FAM20C: variants seen among roughly 807,000 people sequenced by gnomAD.
The protein encoded by FAM20C is FAM20C golgi associated secretory pathway kinase.
Under a neutral mutation model 51.5 loss-of-function variants are expected in FAM20C, and 40 were observed. That is an observed-to-expected ratio of 0.78 (90% CI 0.60 to 1.01). The LOEUF is 1.01. Ranked by LOEUF, FAM20C falls within the 50% of genes least tolerant of loss-of-function variation. The pLI is 0.00. For missense variants in FAM20C, 861 were observed against 844.7 expected (o/e 1.02, Z -0.24); for synonymous variants, 406 against 380.6 (o/e 1.07, Z -0.78).
chr7:194,885 C>T (rs1785773969), intron 1 of FAM20C, among the ~76,000 whole-genome samples: 1 of 152,152 alleles, frequency 6.6e-6, no homozygotes, highest in Non-Finnish European at 1.5e-5. Flanking sequence ...GCCCAGCAGG[C>T]AGACGGAGGG....
intron 3 of FAM20C, among the ~76,000 whole-genome samples, chr7:214,309 G>A (rs1786863394): frequency 6.6e-6 from 1 of 151,742 alleles, no homozygotes; most frequent in Non-Finnish European, 1.5e-5. Context: ...TGGGCAATAA[G>A]AGTGAAACTC....
chr7:237,841 A>T (rs1400278630), intron 3 of FAM20C, among the ~76,000 whole-genome samples: 15 of 234 alleles, frequency 0.064, no homozygotes, highest in Admixed American at 0.083. Context: ...AGTGATAGTG[A>T]TGATGNNNNN....
intron 5 of FAM20C, among the ~76,000 whole-genome samples, chr7:255,564 ACT>A (rs1788558479): frequency 1.3e-5 from 2 of 152,076 alleles, no homozygotes; most frequent in Admixed American, 6.5e-5. Flanking sequence ...TTTTTAAAAG[ACT>A]AAATGTTGGC....
chr7:228,995 G>A (rs62430330), intron 3 of FAM20C: 22,105 of 369,624 alleles, frequency 0.06, 763 homozygotes, highest in Non-Finnish European at 0.081. Flanking sequence ...ACCAGGACCC[G>A]TAGTCGGGCC....
chr7:255,833 G>A lies in FAM20C; in HGVS notation c.1073-16G>A. The A allele has an allele frequency of 6.5e-7, 1 of 1,536,094 alleles. No homozygotes were observed. Among genetic ancestry groups the A allele is most frequent in the Middle Eastern group, 1.7e-4 (1 of 5,990 alleles). On this transcript the variant is annotated splice_polypyrimidine_tract_variant and intron_variant, in intron 5 of 9. Coordinates refer to ENST00000313766, the MANE Select transcript of FAM20C (RefSeq NM_020223.4). ...CCCTGTGCGGCCCTGGTAACCCGCA[G>A]CCTGTCCCTCCCCAGCCAACAACAT...
At chr7:228,739 C>T (rs750117895) in intron 3 of FAM20C, 2 of 456,298 alleles carry the variant, frequency 4.4e-6, no homozygotes, top group South Asian at 3.1e-5. Flanking sequence ...ATCCCACATC[C>T]TCCACCAAGA....
At chr7:218,121 C>T (rs1262212929) in intron 3 of FAM20C, among the ~76,000 whole-genome samples, 1 of 152,186 alleles carries the variant, frequency 6.6e-6, no homozygotes, top group African/African-American at 2.4e-5. Context: ...TCAGCCTCCT[C>T]GTCTGTGAAA....
Position 246,386 on chromosome 7 carries a change from C to T in FAM20C, c.864-29C>T, listed in dbSNP as rs774349876. 471 of 1,525,418 alleles carry T rather than the reference C, an allele frequency of 3.1e-4. 2 individuals are homozygous for T. The highest frequency in any genetic ancestry group is 1.9e-4 in the Non-Finnish European group (217 of 1,136,660). The allele number at this position is 1,525,418 out of a possible 1,614,324, so 94.5% of individuals were successfully genotyped here. ...CCCTGGAGGCTTTCTCAGTGACAAA[C>T]CGTTTCTGTTTCTGTCTTGTTTTCT... On this transcript the variant is annotated intron_variant, in intron 3 of 9. Transcript: ENST00000313766.
intron 4 of FAM20C, among the ~76,000 whole-genome samples, chr7:246,906 G>A (rs948875935): frequency 1.3e-4 from 20 of 152,186 alleles, no homozygotes; most frequent in African/African-American, 4.1e-4. Flanking sequence ...GGGAGAGGGC[G>A]CCTGCCCTCA....
At position 259,868 on chromosome 7, in the gene FAM20C, G is replaced by C; in HGVS notation, c.1643G>C (p.Arg548Pro). ...LYQPHLEALD[R>P]RLRVVLKAVR... ...CAGCCGCACCTGGAGGCCCTGGACCGGCGGCTCCGCGTCGTGCTAAAGGCC... is the reference window on the plus strand; with the variant it reads ...CAGCCGCACCTGGAGGCCCTGGACCCGCGGCTCCGCGTCGTGCTAAAGGCC... The change falls in exon 10 of 10, where the codon CGG becomes CCG. Residue 548 changes from arginine to proline, a missense_variant. Physicochemically the swap from Arg to Pro is moderately radical, Grantham distance 103. This residue lies in a region of FAM20C where 269 missense variants were observed against 283.8 expected (regional missense o/e 0.95). Coordinates refer to ENST00000313766, the MANE Select transcript of FAM20C (RefSeq NM_020223.4). The C allele has an allele frequency of 6.5e-7, 1 of 1,536,266 alleles. No homozygotes were observed. The highest frequency in any genetic ancestry group is 2.4e-5 in the East Asian group (1 of 40,910).
intron 3 of FAM20C, among the ~76,000 whole-genome samples, chr7:214,092 G>A (rs566208380): frequency 1.6e-4 from 24 of 152,186 alleles, no homozygotes; most frequent in African/African-American, 2.7e-4. Flanking sequence ...TTGGGAGGCC[G>A]AGGCAGGTGG....
rs545198882 is a variant in FAM20C at position 251,975 on chromosome 7, G to A, written c.1072+3545G>A. Reference sequence around the variant, plus strand: ...ACCCCACTGCTGCCACTCCAGCCGCGCTGCCCTGTCAGTCCGATTTCTTCC... The same window carrying A: ...ACCCCACTGCTGCCACTCCAGCCGCACTGCCCTGTCAGTCCGATTTCTTCC... On this transcript the variant is annotated intron_variant, in intron 5 of 9. Coordinates refer to ENST00000313766, the MANE Select transcript of FAM20C (RefSeq NM_020223.4). 3.7e-4 allele frequency among the ~76,000 whole-genome samples: 57 copies of A among 152,300 alleles called. 1 individual carries two copies. In the Middle Eastern group the frequency reaches 0.014, roughly 36 times the overall value.
chr7:207,095 T>G (rs543982836), intron 2 of FAM20C, among the ~76,000 whole-genome samples: 2 of 22,366 alleles, frequency 8.9e-5, no homozygotes, highest in African/African-American at 1.8e-4. Context: ...CGTCGGTCAC[T>G]GTCCCCTCGG....
In FAM20C at chr7:192,672, C is replaced by A. The variant is rs1403011451; in HGVS notation, c.-528C>A. On this transcript the variant is annotated 5_prime_UTR_variant, in exon 1 of 10. Coordinates refer to ENST00000313766, the MANE Select transcript of FAM20C (RefSeq NM_020223.4). ...GCCCACCCCTTCCGCCCTTCGCCCCCCCCTTCCCCCCAGCCCCGGTCTCCC... is the reference window on the plus strand; with the variant it reads ...GCCCACCCCTTCCGCCCTTCGCCCCACCCTTCCCCCCAGCCCCGGTCTCCC... Among the ~76,000 whole-genome samples the A allele has an allele frequency of 1.3e-5, 2 of 149,764 alleles. No homozygotes were observed. The highest frequency in any genetic ancestry group is 3.0e-5 in the Non-Finnish European group (2 of 67,006).
Position 193,087 on chromosome 7 carries a change from C to T in FAM20C, c.-113C>T, listed in dbSNP as rs1785640455. 2.1e-6 allele frequency: 2 copies of T among 953,842 alleles called. No individual in the cohort carries two copies. The highest frequency in any genetic ancestry group is 5.6e-5 in the South Asian group (2 of 35,424). The allele number at this position is 953,842 out of a possible 1,614,324, so 59.1% of individuals were successfully genotyped here. A position where few individuals can be genotyped will look rare whatever the true frequency, so the allele number is the denominator to read the frequency against. On this transcript the variant is annotated 5_prime_UTR_variant, in exon 1 of 10. Coordinates refer to ENST00000313766, the MANE Select transcript of FAM20C (RefSeq NM_020223.4). ...CGGGGACAGCCCCGGAGCTGGTAGC[C>T]GCCCGGCACCGATGGACCTTGACCC...
intron 3 of FAM20C, among the ~76,000 whole-genome samples, chr7:219,375 CCCAGCCCAGGACAGCAATGG>C (rs1291260822): frequency 0.049 from 7,290 of 148,246 alleles, 214 homozygotes; most frequent in Non-Finnish European, 0.075. Flanking sequence ...GACAGCAACG[CCCAGCCCAGGACAGCAATGG>C]CCAGCCCAGG....
intron 2 of FAM20C, among the ~76,000 whole-genome samples, chr7:196,101 T>C (rs1031836443): frequency 4.6e-5 from 7 of 152,152 alleles, no homozygotes; most frequent in African/African-American, 1.4e-4. Context: ...CGGAAGCGTG[T>C]GCATGGAACT....
rs1788617493 is a variant in FAM20C, at chr7:257,087, G to A, written c.1445+1G>A. 1.3e-6 allele frequency: 2 copies of A among 1,536,842 alleles called. No homozygotes were observed. The highest frequency in any genetic ancestry group is 1.7e-6 in the Non-Finnish European group (2 of 1,146,866). On this transcript the variant is annotated splice_donor_variant, in intron 8 of 9. Transcript: ENST00000313766. LOFTEE classifies it high-confidence loss of function. The stretch of plus-strand genomic sequence containing the variant: ...TCATCCACTTAGACAATGGAAGAGG[G>A]TGAGCCTGTCCTCGCCCCTGCACAC...
chr7:209,880 T>C (rs1786620575), intron 3 of FAM20C, among the ~76,000 whole-genome samples: 1 of 152,266 alleles, frequency 6.6e-6, no homozygotes, highest in Non-Finnish European at 1.5e-5. Flanking sequence ...AGGCAGATGT[T>C]TGCAGCTGGG....
Sources: allele counts gnomAD v4.1 joint callset (sites outside exome capture counted in the v4.1 genomes callset), GRCh38; gene constraint gnomAD v4.1.1; regional missense constraint gnomAD v4.1.1; transcripts MANE v1.5; gene names NCBI Gene and HGNC (gene_info 2026-07-23, HGNC 2026-07-21).